CRPPA: variants seen among roughly 807,000 people sequenced by gnomAD.
CRPPA encodes the protein CDP-L-ribitol pyrophosphorylase A.
A neutral mutation model predicts 52.0 loss-of-function variants in CRPPA; 43 were observed. The observed-to-expected ratio is 0.83, with a 90% CI of 0.65 to 1.07. The LOEUF is 1.07. CRPPA is among the 50% of genes least tolerant of loss of function. The probability of loss-of-function intolerance (pLI) is 0.00; values close to 1 mark genes in which losing one functional copy is unlikely to be tolerated. For missense variants in CRPPA, 629 were observed against 551.7 expected (o/e 1.14, Z -1.40); for synonymous variants, 250 against 203.5 (o/e 1.23, Z -1.94).
chr7:16,221,267 T>C (rs1782492112), intron 8 of CRPPA, among the ~76,000 whole-genome samples: 1 of 152,196 alleles, frequency 6.6e-6, no homozygotes, highest in South Asian at 2.1e-4. Context: ...ACTGGATGCC[T>C]TCCTTACACC....
chr7:16,103,236 T>C (rs564267102), intron 9 of CRPPA, among the ~76,000 whole-genome samples: 1 of 152,186 alleles, frequency 6.6e-6, no homozygotes, highest in East Asian at 1.9e-4. Flanking sequence ...TTCTCACTCA[T>C]AAGTGGGAGT....
chr7:16,216,234 C>T (rs776460105), intron 8 of CRPPA, 37 bp from the exon 9 acceptor site: 1 of 1,373,828 alleles, frequency 7.3e-7, no homozygotes, highest in South Asian at 1.3e-5. Flanking sequence ...GAATATCATT[C>T]CCTTCAACTT....
chr7:16,301,171 G>A (rs550008854), intron 5 of CRPPA, among the ~76,000 whole-genome samples: 2 of 152,226 alleles, frequency 1.3e-5, no homozygotes, highest in South Asian at 4.1e-4. Context: ...TAGTATCAAT[G>A]TCCCATACTT....
intron 1 of CRPPA, among the ~76,000 whole-genome samples, chr7:16,407,633 C>T (rs1324780605): frequency 6.6e-6 from 1 of 152,116 alleles, no homozygotes; most frequent in East Asian, 1.9e-4. Flanking sequence ...ATTGGGTTGC[C>T]TCACCCAGTA....
chr7:16,178,986 T>A (rs978575616), intron 9 of CRPPA, among the ~76,000 whole-genome samples: 1 of 152,102 alleles, frequency 6.6e-6, no homozygotes, highest in African/African-American at 2.4e-5. Flanking sequence ...TAGAGCAAAC[T>A]GTGTATGCCT....
At chr7:16,096,303 G>C (rs569557209) in intron 9 of CRPPA, among the ~76,000 whole-genome samples, 1 of 151,452 alleles carries the variant, frequency 6.6e-6, no homozygotes, top group South Asian at 2.1e-4. Flanking sequence ...ATAATCAGGA[G>C]AAAAAAATAA....
At chr7:16,283,022 A>C (rs1784348483) in intron 5 of CRPPA, among the ~76,000 whole-genome samples, 1 of 152,054 alleles carries the variant, frequency 6.6e-6, no homozygotes, top group Non-Finnish European at 1.5e-5. Context: ...TTTCAAATAC[A>C]TATGCCTAGT....
chr7:16,130,052 T>A (rs2240856), intron 9 of CRPPA, among the ~76,000 whole-genome samples: 14,145 of 152,134 alleles, frequency 0.093, 840 homozygotes, highest in African/African-American at 0.16. Flanking sequence ...TCAGATTCCA[T>A]CCATAGCATG....
At chr7:16,212,849 C>T (rs1282598968) in intron 9 of CRPPA, among the ~76,000 whole-genome samples, 1 of 152,150 alleles carries the variant, frequency 6.6e-6, no homozygotes. Flanking sequence ...GCAACAGACA[C>T]TAGCTCAGTG....
chr7:16,328,271 C>T lies in CRPPA; in HGVS notation c.685-19644G>A, dbSNP rs556320046. On this transcript the variant is annotated intron_variant, in intron 3 of 9. Coordinates refer to ENST00000407010, the MANE Select transcript of CRPPA (RefSeq NM_001101426.4). ...AAAGTCGAGAATCTTGCCTTTGTGC[C>T]CAAATGATTTATATACCTGGACGTT... Among the ~76,000 whole-genome samples the T allele has an allele frequency of 4.4e-4, 67 of 151,734 alleles. 1 individual carries two copies. The highest frequency in any genetic ancestry group is 1.1e-3 in the Admixed American group (17 of 15,240).
At chr7:16,347,684 G>A (rs1480722920) in intron 3 of CRPPA, among the ~76,000 whole-genome samples, 1 of 152,028 alleles carries the variant, frequency 6.6e-6, no homozygotes, top group Non-Finnish European at 1.5e-5. Flanking sequence ...ACCCAATAAG[G>A]CAACTGAGAA....
At chr7:16,384,022 G>T (rs925086424) in intron 2 of CRPPA, among the ~76,000 whole-genome samples, 4 of 152,180 alleles carry the variant, frequency 2.6e-5, no homozygotes, top group Non-Finnish European at 5.9e-5. Context: ...CCCACTGTCT[G>T]GCACTCCCTA....
In CRPPA at chr7:16,089,529, G is replaced by A. The variant is rs1226969581; in HGVS notation, c.*2166C>T. 7.9e-6 allele frequency: 2 copies of A among 254,120 alleles called. No homozygotes were observed. The highest frequency in any genetic ancestry group is 1.7e-5 in the Non-Finnish European group (2 of 116,674). 15.7% of individuals were successfully genotyped at this position (254,120 alleles called of 1,614,324 possible). On this transcript the variant is annotated 3_prime_UTR_variant, in exon 10 of 10. Coordinates refer to ENST00000407010, the MANE Select transcript of CRPPA (RefSeq NM_001101426.4). ...TACATAGATATGGGTATATATGTACGTACATACATATATATGTATATACAT... is the reference window on the plus strand; with the variant it reads ...TACATAGATATGGGTATATATGTACATACATACATATATATGTATATACAT...
At chr7:16,092,149 C>G (rs1781850253) in intron 9 of CRPPA, among the ~76,000 whole-genome samples, 1 of 152,138 alleles carries the variant, frequency 6.6e-6, no homozygotes, top group Admixed American at 6.6e-5. Flanking sequence ...TTTTCTTCAT[C>G]TTGTTTCTGA....
chr7:16,352,845 A>T (rs1449125626), intron 3 of CRPPA, among the ~76,000 whole-genome samples: 1 of 151,734 alleles, frequency 6.6e-6, no homozygotes, highest in South Asian at 2.1e-4. Flanking sequence ...AAACAACTTA[A>T]GCGACCAAAG....
chr7:16,278,440 G>A (rs193034492), intron 5 of CRPPA, among the ~76,000 whole-genome samples: 13 of 152,260 alleles, frequency 8.5e-5, no homozygotes, highest in African/African-American at 2.9e-4. Context: ...AACACTTTGT[G>A]GGTGAAGAAC....
At position 16,286,058 on chromosome 7, in the gene CRPPA, T is replaced by A. The variant is rs1204422008; in HGVS notation, c.836-7832A>T. Among the ~76,000 whole-genome samples the A allele has an allele frequency of 1.3e-3, 39 of 30,994 alleles. 4 individuals carry two copies. The highest frequency in any genetic ancestry group is 7.5e-3 in the African/African-American group (32 of 4,274). The allele number at this position is 30,994 out of a possible 152,430, so 20.3% of individuals were successfully genotyped here. ...AAAAAAATATAAATATATATATATATATATATATATATATATATATATAAT... is the reference window on the plus strand; with the variant it reads ...AAAAAAATATAAATATATATATATAAATATATATATATATATATATATAAT... On this transcript the variant is annotated intron_variant, in intron 5 of 9. Coordinates refer to ENST00000407010, the MANE Select transcript of CRPPA (RefSeq NM_001101426.4).
intron 3 of CRPPA, among the ~76,000 whole-genome samples, chr7:16,368,405 C>G (rs1235723136): frequency 6.6e-6 from 1 of 152,118 alleles, no homozygotes; most frequent in Non-Finnish European, 1.5e-5. Context: ...TGAACAAATA[C>G]CTAGTTACAT....
chr7:16,343,753 C>T (rs867228819), intron 3 of CRPPA, among the ~76,000 whole-genome samples: 3 of 152,158 alleles, frequency 2.0e-5, no homozygotes, highest in South Asian at 2.1e-4. Context: ...ATGCCACATA[C>T]GTGCATTGGG....
Sources: allele counts gnomAD v4.1 joint callset (sites outside exome capture counted in the v4.1 genomes callset), GRCh38; gene constraint gnomAD v4.1.1; transcripts MANE v1.5; gene names NCBI Gene and HGNC (gene_info 2026-07-23, HGNC 2026-07-21).